The following LRRC56 variants were observed in gnomAD, a reference collection of about 807,000 sequenced individuals.
LRRC56 encodes the protein leucine-rich repeat-containing protein 56.
Under a neutral mutation model 47.8 loss-of-function variants are expected in LRRC56, and 41 were observed. That is an observed-to-expected ratio of 0.86 (90% CI 0.67 to 1.11). LRRC56 has a LOEUF of 1.11. Ranked by LOEUF, LRRC56 falls within the 50% of genes most tolerant of loss-of-function variation. LRRC56 has a pLI of 0.00. For synonymous variants in LRRC56, 387 were observed against 311.2 expected, an observed-to-expected ratio of 1.24 and a Z score of -2.56; for missense variants, 759 against 704.2, an observed-to-expected ratio of 1.08 and a Z score of -0.88.
chr11:553,830 T>G, intron 13 of LRRC56, 133 bp from the exon 14 acceptor site: 1 of 731,190 alleles, frequency 1.4e-6, no homozygotes. Flanking sequence ...GGTGCAGGGG[T>G]GCTGCTGCCT....
At chr11:528,262 A>C in the LRRC56 span, among the ~76,000 whole-genome samples, 1 of 152,222 alleles carries the variant, frequency 6.6e-6, no homozygotes, top group South Asian at 2.1e-4. Flanking sequence ...GTAAGGAGGC[A>C]GCTGGTGGCG....
upstream of LRRC56, chr11:534,533 C>T (rs562458009): frequency 1.7e-6 from 1 of 598,330 alleles, no homozygotes; most frequent in Admixed American, 2.9e-5. Context: ...CAGCTGCAAC[C>T]CAGCGTGCGG....
intron 8 of LRRC56, among the ~76,000 whole-genome samples, chr11:550,840 G>T (rs896362306): frequency 6.6e-6 from 1 of 152,144 alleles, no homozygotes; most frequent in Admixed American, 6.5e-5. Context: ...ACTGCTCCGT[G>T]GGCCAGAGCC....
chr11:540,944 C>T, intron 4 of LRRC56, 83 bp downstream of exon 4: 3 of 1,178,532 alleles, frequency 2.5e-6, no homozygotes, highest in South Asian at 3.1e-5. Context: ...ATGGTCCAGC[C>T]TGCCCTCTGT....
the LRRC56 span, among the ~76,000 whole-genome samples, chr11:507,553 C>G: frequency 3.3e-5 from 5 of 152,048 alleles, no homozygotes; most frequent in Non-Finnish European, 5.9e-5. Flanking sequence ...CCTGAGAATC[C>G]TCGGAGGAAG....
intron 9 of LRRC56, 26 bp downstream of exon 9, chr11:551,328 C>T: frequency 6.8e-7 from 1 of 1,471,672 alleles, no homozygotes; most frequent in Non-Finnish European, 9.1e-7. Flanking sequence ...CCGGAGGACC[C>T]ACTGCTGAGC....
At chr11:522,144 G>A in the LRRC56 span, among the ~76,000 whole-genome samples, 2 of 151,876 alleles carry the variant, frequency 1.3e-5, no homozygotes, top group African/African-American at 2.4e-5. Context: ...GCAGTGGTAC[G>A]ATCACGGCTC....
chr11:553,883 G>T, intron 13 of LRRC56, 80 bp from the exon 14 acceptor site: 2 of 1,332,234 alleles, frequency 1.5e-6, no homozygotes, highest in Non-Finnish European at 2.1e-6. Context: ...CAGGGCCACG[G>T]GTGGGCTGTG....
At chr11:508,258 C>G in the LRRC56 span, among the ~76,000 whole-genome samples, 1 of 152,198 alleles carries the variant, frequency 6.6e-6, no homozygotes, top group Non-Finnish European at 1.5e-5. Context: ...CTCCACCTCC[C>G]GGACTCCAGT....
chr11:527,267 T>C, the LRRC56 span, among the ~76,000 whole-genome samples: 1 of 151,786 alleles, frequency 6.6e-6, no homozygotes, highest in Non-Finnish European at 1.5e-5. Context: ...CGCCACTGCA[T>C]GCCAGCCTGG....
At chr11:519,240 T>C in the LRRC56 span, among the ~76,000 whole-genome samples, 8,288 of 147,422 alleles carry the variant, frequency 0.056, 380 homozygotes, top group Non-Finnish European at 0.085. Context: ...TAAAGGAACG[T>C]GGCCTGATAC....
chr11:534,902 C>T (rs1481825837), upstream of LRRC56, among the ~76,000 whole-genome samples: 3 of 152,184 alleles, frequency 2.0e-5, no homozygotes, highest in East Asian at 3.9e-4. Flanking sequence ...GAACCGGGGG[C>T]ATCTTTCAGC....
Position 551,681 on chromosome 11 carries a change from T to C in LRRC56, c.827T>C (p.Leu276Pro), listed in dbSNP as rs1453893362. Residue 276 changes from leucine to proline, a missense_variant, in exon 10 of 14, where the codon CTT becomes CCT. Leu to Pro is a moderately conservative substitution (Grantham distance 98). Coordinates refer to ENST00000270115, the MANE Select transcript of LRRC56 (RefSeq NM_198075.4). ...CCCCGTGGAGCCCCCATCCGGAGACTTGACCCCGAGCTGTCCCTGCCTGAG... is the reference window on the plus strand; with the variant it reads ...CCCCGTGGAGCCCCCATCCGGAGACCTGACCCCGAGCTGTCCCTGCCTGAG... ...DCPRGAPIRR[L>P]DPELSLPETQ... 1 of 1,598,858 alleles carries C rather than the reference T, an allele frequency of 6.3e-7. No individual in the cohort carries two copies. Among genetic ancestry groups the C allele is most frequent in the Non-Finnish European group, 8.5e-7 (1 of 1,173,056 alleles).
chr11:542,182 C>T (rs998976878), intron 5 of LRRC56, among the ~76,000 whole-genome samples: 12 of 145,392 alleles, frequency 8.3e-5, no homozygotes, highest in Admixed American at 4.8e-4. Context: ...CCAGTACCCC[C>T]GGCACGCTCA....
At chr11:511,469 G>A in the LRRC56 span, among the ~76,000 whole-genome samples, 1 of 152,212 alleles carries the variant, frequency 6.6e-6, no homozygotes, top group African/African-American at 2.4e-5. Context: ...GAATTTTGGT[G>A]ACAGGACTGC....
At chr11:533,199 T>C (rs1851213333), upstream of LRRC56, 8 of 1,287,196 alleles carry the variant, frequency 6.2e-6, no homozygotes, top group African/African-American at 1.2e-4. Context: ...CGGAGCTGTG[T>C]CGGCCCAGGA....
chr11:551,560 C>A, intron 9 of LRRC56, 91 bp from the exon 10 acceptor site: 1 of 1,358,260 alleles, frequency 7.4e-7, no homozygotes, highest in Non-Finnish European at 1.0e-6. Context: ...GGCCATGCAG[C>A]ATGGGGATTG....
intron 13 of LRRC56, among the ~76,000 whole-genome samples, chr11:553,734 C>T (rs1280345054): frequency 6.6e-6 from 1 of 152,206 alleles, no homozygotes; most frequent in Non-Finnish European, 1.5e-5. Flanking sequence ...AGGGCCAGAA[C>T]CAGGCTTCGT....
the LRRC56 span, among the ~76,000 whole-genome samples, chr11:509,543 C>G: frequency 6.6e-6 from 1 of 151,830 alleles, no homozygotes; most frequent in East Asian, 1.9e-4. Flanking sequence ...AAAGGTATGT[C>G]TTCATTTTTA....
Sources: allele counts gnomAD v4.1 joint callset (sites outside exome capture counted in the v4.1 genomes callset), GRCh38; gene constraint gnomAD v4.1.1; transcripts MANE v1.5; gene names NCBI Gene and HGNC (gene_info 2026-07-23, HGNC 2026-07-21).